Variants in CD48 observed in about 807,000 individuals in gnomAD.
The protein encoded by CD48 is CD48 antigen.
A neutral mutation model predicts 22.0 loss-of-function variants in CD48; 20 were observed. That is an observed-to-expected ratio of 0.91 (90% CI 0.64 to 1.32). CD48 has a LOEUF of 1.32. Ranked by LOEUF, CD48 falls within the 40% of genes most tolerant of loss-of-function variation. CD48 has a pLI of 0.00. For synonymous variants in CD48, 110 were observed against 110.1 expected (o/e 1.00, Z 0.01); for missense variants, 307 against 286.5 (o/e 1.07, Z -0.52).
At position 160,709,576 on chromosome 1, in the gene CD48, T is replaced by C. The variant is rs555561021; in HGVS notation, c.82+2106A>G. Among the ~76,000 whole-genome samples the C allele has an allele frequency of 2.5e-3, 375 of 152,282 alleles. 1 individual carries two copies. The highest frequency in any genetic ancestry group is 8.6e-3 in the African/African-American group (356 of 41,566). On this transcript the variant is annotated intron_variant, in intron 1 of 3. Coordinates refer to ENST00000368046, the MANE Select transcript of CD48 (RefSeq NM_001778.4). ...TGTGGACAGATGGGGAATTGGGTAG[T>C]TGTGGAGCATGCCCTAAATCATTGC...
At chr1:160,682,584 A>G (rs1661849831) in intron 2 of CD48, among the ~76,000 whole-genome samples, 1 of 151,416 alleles carries the variant, frequency 6.6e-6, no homozygotes, top group Non-Finnish European at 1.5e-5. Context: ...CTAGTTTTGG[A>G]GTGAGACCAG....
At chr1:160,684,849 C>T in intron 2 of CD48, 38 bp downstream of exon 2, 1 of 1,614,098 alleles carries the variant, frequency 6.2e-7, no homozygotes, top group Non-Finnish European at 8.5e-7. Flanking sequence ...TCTGGGGCCA[C>T]TGGAGTGGGG....
At chr1:160,689,135 G>A (rs1314462050) in intron 1 of CD48, among the ~76,000 whole-genome samples, 1 of 152,144 alleles carries the variant, frequency 6.6e-6, no homozygotes, top group African/African-American at 2.4e-5. Flanking sequence ...TGTAGCTGAT[G>A]TTTTCGGAAG....
chr1:160,694,710 T>C (rs966952329), intron 1 of CD48, among the ~76,000 whole-genome samples: 1 of 152,076 alleles, frequency 6.6e-6, no homozygotes, highest in African/African-American at 2.4e-5. Context: ...AAAGTTCCAA[T>C]TGAGGCTAAA....
Position 160,678,969 on chromosome 1 carries a change from G to A in CD48, c.*83C>T. On this transcript the variant is annotated 3_prime_UTR_variant, in exon 4 of 4. Coordinates refer to ENST00000368046, the MANE Select transcript of CD48 (RefSeq NM_001778.4). ...AGCATGCTTCTGGTCAGCCTATACA[G>A]TCTCTGTCCTGGTGAGGAGCATGAT... 2 of 1,005,330 alleles carry A rather than the reference G, an allele frequency of 2.0e-6. No individual in the cohort carries two copies. The highest frequency in any genetic ancestry group is 3.2e-6 in the Non-Finnish European group (2 of 626,498). The allele number at this position is 1,005,330 out of a possible 1,614,324, so 62.3% of individuals were successfully genotyped here. A position where few individuals can be genotyped will look rare whatever the true frequency, so the allele number is the denominator to read the frequency against.
At chr1:160,694,215 T>C (rs1265531927) in intron 1 of CD48, among the ~76,000 whole-genome samples, 1 of 152,202 alleles carries the variant, frequency 6.6e-6, no homozygotes, top group Non-Finnish European at 1.5e-5. Flanking sequence ...CTGCCATATA[T>C]TAAGGTTGGA....
intron 1 of CD48, among the ~76,000 whole-genome samples, chr1:160,690,238 A>G (rs1159979806): frequency 6.6e-6 from 1 of 152,222 alleles, no homozygotes. Flanking sequence ...ACTGCAAAGC[A>G]AGAATACAGA....
chr1:160,678,946 C>G lies in CD48; in HGVS notation c.*106G>C. The G allele has an allele frequency of 1.3e-6, 1 of 758,120 alleles. No individual in the cohort carries two copies. The highest frequency in any genetic ancestry group is 2.3e-6 in the Non-Finnish European group (1 of 432,470). 47.0% of individuals were successfully genotyped at this position (758,120 alleles called of 1,614,324 possible). A position where few individuals can be genotyped will look rare whatever the true frequency, so the allele number is the denominator to read the frequency against. The stretch of plus-strand genomic sequence containing the variant: ...AAAATCCTCGTTGATAATTCAGCAG[C>G]ATGCTTCTGGTCAGCCTATACAGTC... On this transcript the variant is annotated 3_prime_UTR_variant, in exon 4 of 4. Coordinates refer to ENST00000368046, the MANE Select transcript of CD48 (RefSeq NM_001778.4).
intron 1 of CD48, among the ~76,000 whole-genome samples, chr1:160,703,103 A>G (rs1383197406): frequency 6.6e-6 from 1 of 152,174 alleles, no homozygotes; most frequent in African/African-American, 2.4e-5. Flanking sequence ...CATAAGCATC[A>G]GAGAAACTAT....
At chr1:160,690,433 G>A (rs1401415170) in intron 1 of CD48, among the ~76,000 whole-genome samples, 1 of 152,206 alleles carries the variant, frequency 6.6e-6, no homozygotes, top group Admixed American at 6.5e-5. Flanking sequence ...TGATTTGGAA[G>A]TACGAAGACC....
intron 1 of CD48, among the ~76,000 whole-genome samples, chr1:160,706,428 T>C (rs904902188): frequency 3.3e-5 from 5 of 152,166 alleles, no homozygotes; most frequent in Non-Finnish European, 1.5e-5. Context: ...ATTGTATCTT[T>C]CTTCTCTCCC....
At chr1:160,700,842 T>C (rs1422260838) in intron 1 of CD48, among the ~76,000 whole-genome samples, 1 of 152,200 alleles carries the variant, frequency 6.6e-6, no homozygotes, top group Non-Finnish European at 1.5e-5. Flanking sequence ...CCACCATTCC[T>C]AAATATTGAA....
chr1:160,696,227 C>T (rs1662418807), intron 1 of CD48, among the ~76,000 whole-genome samples: 1 of 152,428 alleles, frequency 6.6e-6, no homozygotes, highest in Non-Finnish European at 1.5e-5. Flanking sequence ...GCAGTCATTA[C>T]AGTGTTACAA....
intron 1 of CD48, among the ~76,000 whole-genome samples, chr1:160,703,648 AAGG>A (rs1436980863): frequency 5.9e-5 from 9 of 152,360 alleles, no homozygotes; most frequent in Admixed American, 1.3e-4. Flanking sequence ...TATAGTATGT[AAGG>A]AGATGATAAC....
chr1:160,681,158 C>T lies in CD48; in HGVS notation c.652+44G>A, dbSNP rs1311085383. 9.3e-6 allele frequency: 15 copies of T among 1,613,948 alleles called. 1 individual carries two copies. The East Asian group carries it at 3.3e-4, about 36-fold the overall frequency. On this transcript the variant is annotated intron_variant, in intron 3 of 3. Transcript: ENST00000368046. ...CAGCCTTTCTTTGTTCAAAACAACT[C>T]CAGTTACCCTGTGCCCCCCTCAGCT...
intron 1 of CD48, among the ~76,000 whole-genome samples, chr1:160,707,492 T>G (rs966332503): frequency 3.3e-5 from 5 of 152,060 alleles, no homozygotes; most frequent in African/African-American, 1.2e-4. Flanking sequence ...GGAGGGACAC[T>G]TCATCCTCTG....
rs149925304 is a variant in CD48 at position 160,681,313 on chromosome 1, G to A, written c.541C>T (p.Leu181Phe). The stretch of plus-strand genomic sequence containing the variant: ...TTATGTGGCATAAGGGTGGTTTCAA[G>A]CACACTGTTCTGGAGCTCCTTTGGG... ...PFPKELQNSV[L>F]ETTLMPHNYS... is the part of the protein sequence containing the mutation. The change falls in exon 3 of 4, where the codon CTT becomes TTT. Residue 181 changes from leucine to phenylalanine, a missense_variant. Physicochemically the swap from Leu to Phe is conservative, Grantham distance 22 (BLOSUM62 0). Coordinates refer to ENST00000368046, the MANE Select transcript of CD48 (RefSeq NM_001778.4). The A allele has an allele frequency of 2.5e-6, 4 of 1,614,054 alleles. No homozygotes were observed. The African/African-American group carries it at 5.3e-5, about 22-fold the overall frequency.
chr1:160,691,344 C>T (rs916821768), intron 1 of CD48, among the ~76,000 whole-genome samples: 1 of 152,210 alleles, frequency 6.6e-6, no homozygotes, highest in African/African-American at 2.4e-5. Context: ...GTTCCACCTA[C>T]TGAGATAGGG....
chr1:160,702,216 G>A (rs796533051), intron 1 of CD48, among the ~76,000 whole-genome samples: 2 of 152,126 alleles, frequency 1.3e-5, no homozygotes, highest in Non-Finnish European at 1.5e-5. Context: ...AGTGACCCCC[G>A]TGGGGACAAT....
Sources: gnomAD v4.1 joint callset for allele counts (sites outside exome capture counted in the v4.1 genomes callset) on GRCh38, gnomAD v4.1.1 for gene constraint, MANE v1.5 for transcripts, NCBI Gene and HGNC (gene_info 2026-07-23, HGNC 2026-07-21) for gene names.